The following PRSS23 variants were observed in gnomAD, a reference collection of about 807,000 sequenced individuals.
The protein encoded by PRSS23 is serine protease 23, also known as protease, serine 23.
A neutral mutation model predicts 34.7 loss-of-function variants in PRSS23; 25 were observed. The ratio of observed to expected loss-of-function variants is 0.72; its 90% CI spans 0.53 to 1.01. The LOEUF is 1.01. Ranked by LOEUF, PRSS23 falls within the 50% of genes least tolerant of loss-of-function variation. PRSS23 has a pLI of 0.00. For synonymous variants in PRSS23, 176 were observed against 186.6 expected, an observed-to-expected ratio of 0.94 and a Z score of 0.46; for missense variants, 445 against 475.6, an observed-to-expected ratio of 0.94 and a Z score of 0.60.
chr11:86,896,124 C>T (rs1190495310), intron 2 of PRSS23, among the ~76,000 whole-genome samples: 2 of 152,112 alleles, frequency 1.3e-5, no homozygotes, highest in African/African-American at 4.8e-5. Context: ...GAGACCCCAA[C>T]TAAAACTACC....
intron 2 of PRSS23, among the ~76,000 whole-genome samples, chr11:86,832,360 TA>T (rs1305750362): frequency 2.0e-5 from 3 of 152,118 alleles, no homozygotes; most frequent in Admixed American, 6.5e-5. Context: ...ACAGTGGGTG[TA>T]CTCCATGTGT....
rs73526360 is a variant in PRSS23, at chr11:86,847,941, C to T, written c.206+24348C>T. On this transcript the variant is annotated intron_variant, in intron 2 of 2. Transcript: ENST00000533902. ...CCACAATTACCTCCATATTCAGGGC[C>T]TCTTCCCTCAGCCCCACTCTCCTCC... Among the ~76,000 whole-genome samples the T allele has an allele frequency of 9.3e-4, 141 of 152,270 alleles. 1 individual carries two copies. Among genetic ancestry groups the T allele is most frequent in the African/African-American group, 3.2e-3 (133 of 41,558 alleles).
chr11:86,791,636 G>A (rs947414828), intron 1 of PRSS23, among the ~76,000 whole-genome samples: 3 of 152,198 alleles, frequency 2.0e-5, no homozygotes, highest in African/African-American at 7.2e-5. Flanking sequence ...CTGTGGGGAA[G>A]AAGTGCCAGA....
At chr11:86,821,705 G>A (rs867963136) in intron 1 of PRSS23, 6 of 1,467,518 alleles carry the variant, frequency 4.1e-6, no homozygotes, top group Middle Eastern at 2.4e-4. Flanking sequence ...TGAATATACT[G>A]TTGAACAGCT....
intron 2 of PRSS23, among the ~76,000 whole-genome samples, chr11:86,836,174 T>C (rs1332078762): frequency 6.6e-6 from 1 of 152,158 alleles, no homozygotes; most frequent in Non-Finnish European, 1.5e-5. Context: ...GCCTCATTGA[T>C]AATCCTGAGA....
At chr11:86,823,772 C>T (rs111520873) in intron 2 of PRSS23, among the ~76,000 whole-genome samples, 1 of 152,078 alleles carries the variant, frequency 6.6e-6, no homozygotes, top group East Asian at 1.9e-4. Context: ...TTTGGGAGGC[C>T]GAGGCGGGCG....
At chr11:86,952,635 C>G in exon 3 of PRSS23, 2 of 662,480 alleles carry the variant, frequency 3.0e-6, no homozygotes, top group Non-Finnish European at 5.2e-6. Flanking sequence ...AACAAGGGCG[C>G]CTGATAATCC....
At chr11:86,913,395 T>C (rs1453536577) in intron 2 of PRSS23, among the ~76,000 whole-genome samples, 1 of 150,602 alleles carries the variant, frequency 6.6e-6, no homozygotes, top group Non-Finnish European at 1.5e-5. Flanking sequence ...CAGGTTTGTA[T>C]TGGTGTTTTT....
At chr11:86,887,270 T>C (rs1948808625) in intron 2 of PRSS23, among the ~76,000 whole-genome samples, 1 of 152,104 alleles carries the variant, frequency 6.6e-6, no homozygotes, top group Non-Finnish European at 1.5e-5. Flanking sequence ...AGGTGGGGAC[T>C]GGGTTCTTGA....
At chr11:86,800,408 G>C (rs1237279666), upstream of PRSS23, 8 of 970,858 alleles carry the variant, frequency 8.2e-6, no homozygotes, top group African/African-American at 3.5e-5. Context: ...GGCGAGGGGA[G>C]GGGGGCACGG....
At chr11:86,941,321 G>A (rs1949205935) in intron 2 of PRSS23, among the ~76,000 whole-genome samples, 1 of 152,194 alleles carries the variant, frequency 6.6e-6, no homozygotes, top group Admixed American at 6.5e-5. Flanking sequence ...AGTGTGATAG[G>A]ACTAGTAGCA....
intron 2 of PRSS23, among the ~76,000 whole-genome samples, chr11:86,845,088 C>CAA (rs1226778105): frequency 7.1e-6 from 1 of 140,782 alleles, no homozygotes; most frequent in African/African-American, 2.8e-5. Context: ...AACTCTGTCT[C>CAA]AGAAAAAAAA....
chr11:86,843,173 G>C (rs1212605553), intron 2 of PRSS23, among the ~76,000 whole-genome samples: 1 of 152,142 alleles, frequency 6.6e-6, no homozygotes, highest in African/African-American at 2.4e-5. Flanking sequence ...AATGGGGAAA[G>C]GATTCCCTAT....
At chr11:86,876,344 C>A (rs1264818452) in intron 2 of PRSS23, among the ~76,000 whole-genome samples, 1 of 152,176 alleles carries the variant, frequency 6.6e-6, no homozygotes, top group African/African-American at 2.4e-5. Flanking sequence ...ATGAAGGAAT[C>A]AGCGAGTATG....
intron 2 of PRSS23, among the ~76,000 whole-genome samples, chr11:86,929,176 C>A (rs1045345289): frequency 2.6e-5 from 4 of 151,884 alleles, no homozygotes; most frequent in Non-Finnish European, 5.9e-5. Context: ...ACAAAATTAG[C>A]CGGGCATGGT....
intron 2 of PRSS23, among the ~76,000 whole-genome samples, chr11:86,862,998 G>A (rs1948626288): frequency 6.6e-6 from 1 of 152,008 alleles, no homozygotes; most frequent in Admixed American, 6.5e-5. Flanking sequence ...GATATTATTT[G>A]TAACATCCTA....
intron 2 of PRSS23, among the ~76,000 whole-genome samples, chr11:86,918,150 A>G (rs1321787745): frequency 6.6e-6 from 1 of 152,218 alleles, no homozygotes; most frequent in Non-Finnish European, 1.5e-5. Flanking sequence ...TCACCTTCAC[A>G]AAGGATGAGC....
chr11:86,838,853 C>T (rs556918994), intron 2 of PRSS23, among the ~76,000 whole-genome samples: 20 of 152,212 alleles, frequency 1.3e-4, no homozygotes, highest in Admixed American at 1.2e-3. Context: ...TGGAATCGAC[C>T]TCCAGTAAAC....
intron 2 of PRSS23, among the ~76,000 whole-genome samples, chr11:86,895,427 C>T (rs1276444877): frequency 2.0e-5 from 3 of 149,228 alleles, no homozygotes; most frequent in Non-Finnish European, 3.0e-5. Context: ...TATTAGAATA[C>T]TAAACTGAGA....
Sources: allele counts gnomAD v4.1 joint callset (sites outside exome capture counted in the v4.1 genomes callset), GRCh38; gene constraint gnomAD v4.1.1; transcripts MANE v1.5; gene names NCBI Gene and HGNC (gene_info 2026-07-23, HGNC 2026-07-21).